The following DGKB variants were observed in gnomAD, a reference collection of about 807,000 sequenced individuals.
DGKB encodes the protein 90 kDa diacylglycerol kinase.
DGKB carries 67 observed loss-of-function variants against 114.3 expected under a neutral mutation model. The ratio of observed to expected loss-of-function variants is 0.59; its 90% CI spans 0.48 to 0.72. The LOEUF (loss-of-function observed/expected upper bound fraction) is 0.72, where lower values mean the gene tolerates loss of function less well. Ranked by LOEUF, DGKB falls within the 30% of genes least tolerant of loss-of-function variation. The probability of loss-of-function intolerance (pLI) is 0.00; values close to 1 mark genes in which losing one functional copy is unlikely to be tolerated. For synonymous variants in DGKB, 398 were observed against 323.1 expected (o/e 1.23, Z -2.49); for missense variants, 907 against 975.2 (o/e 0.93, Z 0.93).
At chr7:14,776,552 C>G (rs1027864755) in intron 2 of DGKB, among the ~76,000 whole-genome samples, 1 of 152,226 alleles carries the variant, frequency 6.6e-6, no homozygotes, top group Non-Finnish European at 1.5e-5. Flanking sequence ...AGGTATGACT[C>G]GGGCCTTGGC....
rs556782839 is a variant in DGKB, at chr7:14,456,626, T to C, written c.1835+21535A>G. 5.3e-5 allele frequency among the ~76,000 whole-genome samples: 8 copies of C among 152,012 alleles called. No homozygotes were observed. In the South Asian group the frequency reaches 1.5e-3, roughly 28 times the overall value. On this transcript the variant is annotated intron_variant, in intron 21 of 25. Transcript: ENST00000402815. The stretch of plus-strand genomic sequence containing the variant: ...ATCACTTCTTACATTATTTTTCCAA[T>C]TGTTTGTCTTCCCAAGAGTTGTGCT...
chr7:14,778,235 T>C (rs1469956992), intron 2 of DGKB, among the ~76,000 whole-genome samples: 2 of 152,232 alleles, frequency 1.3e-5, no homozygotes, highest in African/African-American at 4.8e-5. Context: ...GAACTTATTG[T>C]TATTTTATCT....
At chr7:14,724,757 G>C (rs938967338) in intron 5 of DGKB, among the ~76,000 whole-genome samples, 6 of 152,132 alleles carry the variant, frequency 3.9e-5, no homozygotes, top group African/African-American at 1.4e-4. Flanking sequence ...AACTGTTCGT[G>C]ATCATATACC....
chr7:14,207,546 G>A (rs1374917242), intron 23 of DGKB, among the ~76,000 whole-genome samples: 4 of 152,030 alleles, frequency 2.6e-5, no homozygotes, highest in East Asian at 3.9e-4. Context: ...GCCAGGCAAT[G>A]TACTTGGTGA....
At chr7:14,701,176 C>G (rs1253509796) in intron 7 of DGKB, among the ~76,000 whole-genome samples, 1 of 152,072 alleles carries the variant, frequency 6.6e-6, no homozygotes, top group African/African-American at 2.4e-5. Context: ...ATTTTAAAAG[C>G]AAAGTTTGTG....
chr7:14,596,961 T>C (rs904619159), intron 17 of DGKB, among the ~76,000 whole-genome samples: 2 of 152,194 alleles, frequency 1.3e-5, no homozygotes, highest in African/African-American at 2.4e-5. Context: ...ATCCTTCCTA[T>C]AGTCTTGAAA....
intron 2 of DGKB, among the ~76,000 whole-genome samples, chr7:14,838,678 A>G (rs899294165): frequency 5.3e-5 from 8 of 152,114 alleles, no homozygotes; most frequent in African/African-American, 1.4e-4. Flanking sequence ...CCAATACCCT[A>G]CTAACTAGTC....
chr7:14,648,048 G>C (rs1813489007), intron 13 of DGKB, among the ~76,000 whole-genome samples: 1 of 152,222 alleles, frequency 6.6e-6, no homozygotes, highest in Non-Finnish European at 1.5e-5. Flanking sequence ...CAAACTGCAA[G>C]GCGGCAGCGA....
intron 13 of DGKB, among the ~76,000 whole-genome samples, chr7:14,656,211 A>G (rs1178811442): frequency 1.3e-5 from 2 of 151,802 alleles, no homozygotes; most frequent in Middle Eastern, 3.4e-3. Context: ...AAAACCAACC[A>G]AAATCATGTA....
At chr7:14,825,390 C>A (rs1267116462) in intron 2 of DGKB, among the ~76,000 whole-genome samples, 1 of 152,048 alleles carries the variant, frequency 6.6e-6, no homozygotes, top group Non-Finnish European at 1.5e-5. Context: ...AATATAGAAT[C>A]AGTGGGAGCC....
chr7:14,744,042 C>CG (rs529310236), intron 4 of DGKB, among the ~76,000 whole-genome samples: 101 of 152,096 alleles, frequency 6.6e-4, no homozygotes, highest in Non-Finnish European at 1.1e-3. Flanking sequence ...CTGAAGTAAT[C>CG]TTTTTTTAAA....
chr7:14,832,897 T>C (rs976145283), intron 2 of DGKB, among the ~76,000 whole-genome samples: 4 of 152,138 alleles, frequency 2.6e-5, no homozygotes, highest in African/African-American at 9.7e-5. Context: ...CAGATATGTA[T>C]TTCCAAGTAT....
chr7:14,792,034 T>C (rs75602715), intron 2 of DGKB, among the ~76,000 whole-genome samples: 13,655 of 152,202 alleles, frequency 0.09, 792 homozygotes, highest in East Asian at 0.24. Context: ...CTGTGTAGAA[T>C]TGGTATTAAT....
chr7:14,153,307 A>G (rs1782501625), intron 25 of DGKB, among the ~76,000 whole-genome samples: 1 of 152,094 alleles, frequency 6.6e-6, no homozygotes, highest in African/African-American at 2.4e-5. Flanking sequence ...CCTTTCCATA[A>G]GCATTTATTG....
At chr7:14,689,196 C>CTTATTTTTTTTAT (rs1055110232) in intron 9 of DGKB, among the ~76,000 whole-genome samples, 1 of 80,304 alleles carries the variant, frequency 1.2e-5, no homozygotes, top group Admixed American at 1.3e-4. Flanking sequence ...AGAAACTCCT[C>CTTATTTTTTTTAT]TTATTTTTTT....
rs1370843505 is a variant in DGKB, at chr7:14,661,484, GC to G, written c.1134+11444del. 1.9e-3 allele frequency among the ~76,000 whole-genome samples: 280 copies of G among 143,826 alleles called. 1 individual carries two copies. Among genetic ancestry groups the G allele is most frequent in the Non-Finnish European group, 2.8e-3 (185 of 65,286 alleles). 94.4% of individuals were successfully genotyped at this position (143,826 alleles called of 152,430 possible). A position where few individuals can be genotyped will look rare whatever the true frequency, so the allele number is the denominator to read the frequency against. Reference sequence around the variant, plus strand: ...CACCGTCACTGGCCATCAGAGAAATGCTAATCAAAACCACAATGAGATACCA... The same window carrying G: ...CACCGTCACTGGCCATCAGAGAAATGTAATCAAAACCACAATGAGATACCA... On this transcript the variant is annotated intron_variant, in intron 13 of 25. Coordinates refer to ENST00000402815, the MANE Select transcript of DGKB (RefSeq NM_001350709.2).
At chr7:14,358,764 C>T (rs1184084432) in intron 21 of DGKB, among the ~76,000 whole-genome samples, 1 of 152,068 alleles carries the variant, frequency 6.6e-6, no homozygotes, top group Non-Finnish European at 1.5e-5. Flanking sequence ...AGGACCTCTT[C>T]AAGGAGAACT....
chr7:14,486,305 C>T (rs1220651376), intron 20 of DGKB, among the ~76,000 whole-genome samples: 1 of 152,112 alleles, frequency 6.6e-6, no homozygotes, highest in Non-Finnish European at 1.5e-5. Context: ...AAGAAGTGCC[C>T]TATTGTAATT....
chr7:14,548,917 A>T (rs1380045848), intron 20 of DGKB, among the ~76,000 whole-genome samples: 1 of 151,992 alleles, frequency 6.6e-6, no homozygotes, highest in Non-Finnish European at 1.5e-5. Flanking sequence ...GTGAAATGCT[A>T]AGATCAGTTC....
Sources: allele counts gnomAD v4.1 joint callset (sites outside exome capture counted in the v4.1 genomes callset), GRCh38; gene constraint gnomAD v4.1.1; transcripts MANE v1.5; gene names NCBI Gene and HGNC (gene_info 2026-07-23, HGNC 2026-07-21).